DNAH11: variants seen among roughly 807,000 people sequenced by gnomAD.
DNAH11 encodes dynein axonemal heavy chain 11, also known as axonemal beta dynein heavy chain 11.
Under a neutral mutation model 526.0 loss-of-function variants are expected in DNAH11, and 442 were observed. The ratio of observed to expected loss-of-function variants is 0.84; its 90% CI spans 0.78 to 0.91. The LOEUF (loss-of-function observed/expected upper bound fraction) is 0.91, where lower values mean the gene tolerates loss of function less well. DNAH11 is among the 40% of genes least tolerant of loss of function. DNAH11 has a pLI of 0.00. For missense variants in DNAH11, 6,989 were observed against 5,448.7 expected (o/e 1.28, Z -8.90); for synonymous variants, 2,461 against 1,935.9 (o/e 1.27, Z -7.12).
At chr7:21,880,578 T>C (rs1783879724) in intron 74 of DNAH11, 124 bp from the exon 75 acceptor site, 1 of 923,888 alleles carries the variant, frequency 1.1e-6, no homozygotes, top group Admixed American at 2.4e-5. Context: ...TAAGTAGCCA[T>C]GCTGAAGACT....
Position 21,873,449 on chromosome 7 carries a change from C to T in DNAH11, c.12143C>T (p.Pro4048Leu). The T allele has an allele frequency of 6.2e-7, 1 of 1,613,886 alleles. No homozygotes were observed. The highest frequency in any genetic ancestry group is 8.5e-7 in the Non-Finnish European group (1 of 1,179,864). The change falls in exon 74 of 82, where the codon CCC (proline) becomes CTC (leucine). Residue 4048 changes from proline (P) to leucine (L), a missense_variant. Coordinates refer to ENST00000409508, the MANE Select transcript of DNAH11 (RefSeq NM_001277115.2). ...AATTCCATTAAGATCACTAATGAAC[C>T]CCCAACAGGGATGCTGGCCAATTTG... is the stretch of plus-strand genomic sequence containing the variant. ...LENSIKITNE[P>L]PTGMLANLHA...
chr7:21,686,982 T>C (rs530107600), intron 32 of DNAH11, 117 bp from the exon 33 acceptor site: 1 of 905,354 alleles, frequency 1.1e-6, no homozygotes, highest in South Asian at 2.8e-5. Flanking sequence ...TATATCAGTA[T>C]TTTATGCTAC....
At chr7:21,686,670 A>T (rs928351487) in intron 32 of DNAH11, among the ~76,000 whole-genome samples, 1 of 152,162 alleles carries the variant, frequency 6.6e-6, no homozygotes, top group Non-Finnish European at 1.5e-5. Flanking sequence ...CTCTTAATGT[A>T]TTAAGTAGCA....
At chr7:21,868,448 G>A (rs1583792188) in intron 72 of DNAH11, among the ~76,000 whole-genome samples, 1 of 152,056 alleles carries the variant, frequency 6.6e-6, no homozygotes. Flanking sequence ...CAATTTAAAT[G>A]CAGTCTCACA....
At chr7:21,545,174 A>G in intron 2 of DNAH11, 25 bp downstream of exon 2, 4 of 1,573,990 alleles carry the variant, frequency 2.5e-6, no homozygotes, top group Non-Finnish European at 3.4e-6. Context: ...TTAATATTTA[A>G]AGCTTTCACT....
intron 28 of DNAH11, among the ~76,000 whole-genome samples, chr7:21,639,938 T>C (rs1787045843): frequency 1.3e-5 from 2 of 152,344 alleles, no homozygotes; most frequent in African/African-American, 4.8e-5. Flanking sequence ...CTGTGTCTGT[T>C]CACATTGCAG....
At position 21,816,616 on chromosome 7, in the gene DNAH11, G is replaced by T; in HGVS notation, c.10482G>T (p.Leu3494=). 2.5e-6 allele frequency: 4 copies of T among 1,613,752 alleles called. No individual in the cohort carries two copies. Among genetic ancestry groups the T allele is most frequent in the Non-Finnish European group, 8.5e-7 (1 of 1,179,816 alleles). The change falls in exon 64 of 82, where the codon CTG becomes CTT. Residue 3494 remains leucine, a synonymous_variant. Coordinates refer to ENST00000409508, the MANE Select transcript of DNAH11 (RefSeq NM_001277115.2). ...TAACACACTGTGAGCGCTGGCCTCT[G>T]GTGATAGATCCCCAGCAACAGGGAA... ...AILTHCERWP[L]VIDPQQQGIK...
intron 79 of DNAH11, 109 bp downstream of exon 79, chr7:21,895,108 C>T: frequency 1.1e-6 from 1 of 892,610 alleles, no homozygotes; most frequent in Non-Finnish European, 1.7e-6. Context: ...TGTGACTGTT[C>T]TCAACCTGTA....
chr7:21,602,893 A>T (rs979920254), intron 18 of DNAH11, among the ~76,000 whole-genome samples: 34 of 152,126 alleles, frequency 2.2e-4, no homozygotes, highest in Admixed American at 2.2e-3. Context: ...GGTGAAATGT[A>T]CTATTCGGAT....
Position 21,864,526 on chromosome 7 carries a change from A to G in DNAH11, c.11374-9A>G. ...CTAATAATCCTTTTCAATTTTGTCT[A>G]CTCTCAAGATTTTGTTGAGAAAGAA... On this transcript the variant is annotated splice_polypyrimidine_tract_variant and intron_variant, in intron 69 of 81. Coordinates refer to ENST00000409508, the MANE Select transcript of DNAH11 (RefSeq NM_001277115.2). 1.2e-6 allele frequency: 2 copies of G among 1,609,394 alleles called. No homozygotes were observed. Among genetic ancestry groups the G allele is most frequent in the East Asian group, 2.2e-5 (1 of 44,692 alleles).
intron 63 of DNAH11, among the ~76,000 whole-genome samples, chr7:21,815,656 C>G (rs1001754586): frequency 9.9e-5 from 15 of 152,116 alleles, no homozygotes; most frequent in Admixed American, 5.9e-4. Context: ...AGGTTTTCAT[C>G]CTGCACATTT....
At chr7:21,863,167 A>G (rs942765718) in intron 69 of DNAH11, among the ~76,000 whole-genome samples, 4 of 151,864 alleles carry the variant, frequency 2.6e-5, no homozygotes, top group South Asian at 4.1e-4. Context: ...TTGTCCTTTT[A>G]TCAGCCATTT....
intron 40 of DNAH11, among the ~76,000 whole-genome samples, chr7:21,709,153 A>G (rs149165603): frequency 0.012 from 1,901 of 152,340 alleles, 41 homozygotes; most frequent in African/African-American, 0.044. Flanking sequence ...ACTATTCACA[A>G]TAGCAAAGAC....
intron 65 of DNAH11, among the ~76,000 whole-genome samples, chr7:21,838,322 C>T (rs1208873280): frequency 6.6e-6 from 1 of 152,280 alleles, no homozygotes; most frequent in Non-Finnish European, 1.5e-5. Context: ...CTGATAAAAG[C>T]CCAAATGTTA....
chr7:21,580,871 C>G (rs1298479477), intron 8 of DNAH11, among the ~76,000 whole-genome samples: 1 of 152,214 alleles, frequency 6.6e-6, no homozygotes, highest in Non-Finnish European at 1.5e-5. Context: ...AACATAGCAT[C>G]TGGGATCAGG....
chr7:21,692,060 A>G (rs1022027137), intron 35 of DNAH11, among the ~76,000 whole-genome samples: 3 of 152,238 alleles, frequency 2.0e-5, no homozygotes, highest in East Asian at 1.9e-4. Context: ...CGATTCACTT[A>G]TAATTTAAGT....
In DNAH11 at chr7:21,559,611, C is replaced by G; in HGVS notation, c.701C>G (p.Ser234Ter). 1 of 1,602,392 alleles carries G rather than the reference C, an allele frequency of 6.2e-7. No homozygotes were observed. The highest frequency in any genetic ancestry group is 8.5e-7 in the Non-Finnish European group (1 of 1,175,424). Residue 234 changes from serine (S) to a stop codon, truncating the protein, a stop_gained, in exon 4 of 82, where the codon TCA becomes TGA. Coordinates refer to ENST00000409508, the MANE Select transcript of DNAH11 (RefSeq NM_001277115.2). LOFTEE classifies it high-confidence loss of function. The stretch of plus-strand genomic sequence containing the variant: ...TATCTTAATGTTTGTAGGCCACCGT[C>G]AAACGAAAGGATAATACTTCATGCA... ...DQNCSENKPP[S>*]NERIILHAIE...
intron 68 of DNAH11, among the ~76,000 whole-genome samples, chr7:21,855,648 G>A (rs1208215900): frequency 6.6e-6 from 1 of 152,154 alleles, no homozygotes; most frequent in Non-Finnish European, 1.5e-5. Context: ...CAAAGCCCAC[G>A]CTCCATACCT....
intron 39 of DNAH11, among the ~76,000 whole-genome samples, chr7:21,707,410 C>T (rs1161914307): frequency 6.6e-6 from 1 of 152,202 alleles, no homozygotes; most frequent in Non-Finnish European, 1.5e-5. Flanking sequence ...GTATGGTCCT[C>T]CACTTTGTAC....
Sources: gnomAD v4.1 joint callset for allele counts (sites outside exome capture counted in the v4.1 genomes callset) on GRCh38, gnomAD v4.1.1 for gene constraint, MANE v1.5 for transcripts, NCBI Gene and HGNC (gene_info 2026-07-23, HGNC 2026-07-21) for gene names.